The following MEI4 variants were observed in gnomAD, a reference collection of about 807,000 sequenced individuals.
MEI4 encodes the protein meiotic double-stranded break formation protein 4.
Under a neutral mutation model 31.4 loss-of-function variants are expected in MEI4, and 27 were observed. The observed-to-expected ratio is 0.86, with a 90% CI of 0.63 to 1.19. MEI4 has a LOEUF of 1.19. Among genes scored for constraint, MEI4 ranks in the 50% most tolerant of loss-of-function variants. The pLI is 0.00. For synonymous variants in MEI4, 122 were observed against 145.4 expected, an observed-to-expected ratio of 0.84 and a Z score of 1.16; for missense variants, 329 against 398.9, an observed-to-expected ratio of 0.82 and a Z score of 1.49.
rs143502650 is a variant in MEI4, at chr6:77,765,798, C to T, written c.768+4133C>T. Among the ~76,000 whole-genome samples the T allele has an allele frequency of 1.5e-3, 220 of 149,586 alleles. 8 individuals carry two copies. Among genetic ancestry groups the T allele is most frequent in the African/African-American group, 5.0e-3 (194 of 39,186 alleles). ...ACTTGGAACCAACCCAAATGTCCAACAATGATAGACTGGATTAAGAAAATG... is the reference window on the plus strand; with the variant it reads ...ACTTGGAACCAACCCAAATGTCCAATAATGATAGACTGGATTAAGAAAATG... On this transcript the variant is annotated intron_variant, in intron 3 of 4. Coordinates refer to ENST00000684080, the MANE Select transcript of MEI4 (RefSeq NM_001322247.2).
At chr6:77,728,685 T>A (rs1766889802) in intron 2 of MEI4, among the ~76,000 whole-genome samples, 1 of 152,190 alleles carries the variant, frequency 6.6e-6, no homozygotes. Flanking sequence ...ATGTTTGAGT[T>A]GACTCCTGAA....
intron 4 of MEI4, among the ~76,000 whole-genome samples, chr6:77,893,028 C>T (rs1766001334): frequency 6.6e-6 from 1 of 152,080 alleles, no homozygotes; most frequent in African/African-American, 2.4e-5. Context: ...ATATTTTTCC[C>T]ACAATGGAGA....
chr6:77,780,553 C>G (rs766139453), intron 3 of MEI4, among the ~76,000 whole-genome samples: 3 of 152,130 alleles, frequency 2.0e-5, no homozygotes, highest in Admixed American at 6.5e-5. Context: ...AGGTCAGACC[C>G]TGGCAATGCA....
At chr6:77,660,477 G>A (rs1429382842) in intron 1 of MEI4, among the ~76,000 whole-genome samples, 1 of 151,978 alleles carries the variant, frequency 6.6e-6, no homozygotes, top group Admixed American at 6.6e-5. Context: ...GTAAACAAGA[G>A]TAGGGCATTT....
At chr6:77,670,853 C>A (rs1386081448) in intron 1 of MEI4, among the ~76,000 whole-genome samples, 1 of 152,064 alleles carries the variant, frequency 6.6e-6, no homozygotes, top group East Asian at 1.9e-4. Flanking sequence ...GGCCCCCCAA[C>A]TAGAATGAAA....
intron 4 of MEI4, among the ~76,000 whole-genome samples, chr6:77,912,197 A>C (rs903439254): frequency 6.6e-6 from 1 of 152,028 alleles, no homozygotes; most frequent in African/African-American, 2.4e-5. Flanking sequence ...GTTTGCTTTT[A>C]TACCAATACT....
chr6:77,684,618 C>G (rs1769019098), intron 1 of MEI4, among the ~76,000 whole-genome samples: 1 of 151,936 alleles, frequency 6.6e-6, no homozygotes, highest in East Asian at 1.9e-4. Flanking sequence ...TCTTTCTGTC[C>G]CTGGCTTATT....
chr6:77,785,532 C>T (rs1768713543), intron 3 of MEI4, among the ~76,000 whole-genome samples: 1 of 152,096 alleles, frequency 6.6e-6, no homozygotes, highest in Non-Finnish European at 1.5e-5. Flanking sequence ...ACTACTTTTC[C>T]CTTCAATTTT....
chr6:77,715,524 A>G (rs1478280904), intron 2 of MEI4, among the ~76,000 whole-genome samples: 4 of 152,160 alleles, frequency 2.6e-5, no homozygotes, highest in Admixed American at 2.0e-4. Context: ...GTAATGATTG[A>G]CCAGTGAGCT....
intron 2 of MEI4, among the ~76,000 whole-genome samples, chr6:77,728,573 G>C (rs1766886999): frequency 6.6e-6 from 1 of 152,194 alleles, no homozygotes. Context: ...AATGTTAAAA[G>C]CTGTGAACAA....
chr6:77,922,878 G>A (rs1249849979), intron 4 of MEI4, among the ~76,000 whole-genome samples: 2 of 151,666 alleles, frequency 1.3e-5, no homozygotes, highest in Admixed American at 6.6e-5. Flanking sequence ...TCATGAAACA[G>A]CAAGAAAGAA....
intron 1 of MEI4, among the ~76,000 whole-genome samples, chr6:77,669,135 T>C (rs538221785): frequency 6.6e-6 from 1 of 152,198 alleles, no homozygotes; most frequent in African/African-American, 2.4e-5. Context: ...TTAATAAATG[T>C]CTATAATCAT....
intron 2 of MEI4, among the ~76,000 whole-genome samples, chr6:77,740,741 G>T (rs1033156504): frequency 6.6e-6 from 1 of 151,714 alleles, no homozygotes; most frequent in East Asian, 1.9e-4. Flanking sequence ...GATTTTATTT[G>T]ATCTCAACCT....
chr6:77,676,705 C>T (rs1768851846), intron 1 of MEI4, among the ~76,000 whole-genome samples: 1 of 152,094 alleles, frequency 6.6e-6, no homozygotes, highest in Non-Finnish European at 1.5e-5. Flanking sequence ...GGTGGGGAAG[C>T]CTGGCGGTTA....
At chr6:77,873,949 G>T (rs1771264781) in intron 4 of MEI4, among the ~76,000 whole-genome samples, 1 of 152,186 alleles carries the variant, frequency 6.6e-6, no homozygotes, top group Admixed American at 6.5e-5. Context: ...GCTCTGTTCT[G>T]TTCCATTGAT....
intron 4 of MEI4, among the ~76,000 whole-genome samples, chr6:77,845,055 TC>T (rs1402893918): frequency 1.3e-5 from 2 of 152,082 alleles, no homozygotes; most frequent in Non-Finnish European, 2.9e-5. Context: ...GCCCTGTGAG[TC>T]TTTTTTTCCC....
intron 3 of MEI4, among the ~76,000 whole-genome samples, chr6:77,788,627 G>A (rs573307867): frequency 2.1e-4 from 32 of 151,918 alleles, no homozygotes; most frequent in South Asian, 8.3e-4. Flanking sequence ...ACAGAGAGCC[G>A]AATCATGAGT....
intron 1 of MEI4, among the ~76,000 whole-genome samples, chr6:77,676,525 C>CAATAAT (rs577541362): frequency 6.6e-6 from 1 of 151,552 alleles, no homozygotes; most frequent in East Asian, 1.9e-4. Context: ...AGACCCATTT[C>CAATAAT]AATAATAATA....
chr6:77,871,741 TTTA>T (rs1326586459), intron 4 of MEI4, among the ~76,000 whole-genome samples: 1 of 152,202 alleles, frequency 6.6e-6, no homozygotes, highest in African/African-American at 2.4e-5. Context: ...AATTTTTATT[TTTA>T]TTATTCTGTT....
Sources: gnomAD v4.1 joint callset for allele counts (sites outside exome capture counted in the v4.1 genomes callset) on GRCh38, gnomAD v4.1.1 for gene constraint, MANE v1.5 for transcripts, NCBI Gene and HGNC (gene_info 2026-07-23, HGNC 2026-07-21) for gene names.